The following WDR36 variants were observed in gnomAD, a reference collection of about 807,000 sequenced individuals.
The protein encoded by WDR36 is WD repeat-containing protein 36.
Under a neutral mutation model 112.7 loss-of-function variants are expected in WDR36, and 63 were observed. The ratio of observed to expected loss-of-function variants is 0.56; its 90% CI spans 0.46 to 0.69. The LOEUF is 0.69. WDR36 is among the 30% of genes least tolerant of loss of function. WDR36 has a pLI of 0.00. For missense variants in WDR36, 1,226 were observed against 1,070.3 expected, an observed-to-expected ratio of 1.15 and a Z score of -2.03; for synonymous variants, 410 against 362.2, an observed-to-expected ratio of 1.13 and a Z score of -1.50.
chr5:111,104,965 C>CCA, intron 9 of WDR36, 148 bp downstream of exon 9: 1 of 1,209,816 alleles, frequency 8.3e-7, no homozygotes. Flanking sequence ...TCCTTTTTGT[C>CCA]TACTTGAGAA....
intron 2 of WDR36, 170 bp downstream of exon 2, chr5:111,095,117 A>C (rs1752947912): frequency 7.9e-6 from 5 of 632,906 alleles, no homozygotes; most frequent in Middle Eastern, 3.0e-4. Flanking sequence ...TTTTGCTTTT[A>C]GTTGTTATGT....
intron 3 of WDR36, 47 bp downstream of exon 3, chr5:111,097,226 A>G (rs1296128560): frequency 1.4e-6 from 2 of 1,382,568 alleles, no homozygotes; most frequent in South Asian, 2.3e-5. Context: ...TTTGTTTGTC[A>G]TGATAGTGGA....
At chr5:111,097,889 A>T (rs1203434699) in intron 3 of WDR36, among the ~76,000 whole-genome samples, 1 of 152,216 alleles carries the variant, frequency 6.6e-6, no homozygotes, top group Admixed American at 6.5e-5. Context: ...AGAGGAAGGT[A>T]ACTTATCTGT....
intron 3 of WDR36, among the ~76,000 whole-genome samples, chr5:111,097,787 G>T (rs1753023540): frequency 6.6e-6 from 1 of 152,186 alleles, no homozygotes. Context: ...AGGAATGGGG[G>T]TACAAAGATA....
At chr5:111,123,001 C>G (rs577594610) in intron 19 of WDR36, among the ~76,000 whole-genome samples, 1 of 152,056 alleles carries the variant, frequency 6.6e-6, no homozygotes, top group East Asian at 1.9e-4. Context: ...CCCGGCTGCT[C>G]AGGAGGCTGA....
intron 6 of WDR36, 22 bp from the exon 7 acceptor site, chr5:111,103,764 G>A (rs752280341): frequency 6.2e-7 from 1 of 1,609,922 alleles, no homozygotes; most frequent in East Asian, 2.2e-5. Flanking sequence ...GAAAGTAAAA[G>A]TTTGAATAAT....
intron 12 of WDR36, among the ~76,000 whole-genome samples, chr5:111,109,620 T>G (rs921399090): frequency 2.7e-4 from 41 of 151,326 alleles, no homozygotes; most frequent in African/African-American, 9.7e-4. Flanking sequence ...ATAGAAAAAA[T>G]ATATTGACAT....
chr5:111,100,571 T>C lies in WDR36; in HGVS notation c.410-18T>C, dbSNP rs1232489312. 1.4e-6 allele frequency: 2 copies of C among 1,459,042 alleles called. No individual in the cohort carries two copies. The highest frequency in any genetic ancestry group is 2.8e-5 in the African/African-American group (2 of 70,336). 90.4% of individuals were successfully genotyped at this position (1,459,042 alleles called of 1,614,324 possible). ...TAAACTATTTTATAAAAAATATTTA[T>C]AACTTTCACTTTTGTAGAAGAATAC... On this transcript the variant is annotated intron_variant, in intron 4 of 22. Transcript: ENST00000513710.
At position 111,092,349 on chromosome 5, in the gene WDR36, T is replaced by A. The variant is rs766092867; in HGVS notation, c.-108T>A. The A allele has an allele frequency of 6.2e-7, 1 of 1,614,194 alleles. No individual in the cohort carries two copies. Among genetic ancestry groups the A allele is most frequent in the South Asian group, 1.1e-5 (1 of 91,088 alleles). On this transcript the variant is annotated 5_prime_UTR_variant, in exon 1 of 23. The change creates a new upstream start codon in the 5' untranslated region. Coordinates refer to ENST00000513710, the MANE Select transcript of WDR36 (RefSeq NM_139281.3). ...TTCGCAGCGGGCGCCGGAAGCGGTG[T>A]TGTGTCTGCAGCTCTGGCAGAGGAC...
chr5:111,126,898 C>G lies in WDR36; in HGVS notation c.*15C>G. 3 of 1,579,782 alleles carry G rather than the reference C, an allele frequency of 1.9e-6. No homozygotes were observed. The highest frequency in any genetic ancestry group is 2.6e-6 in the Non-Finnish European group (3 of 1,160,536). ...CTTTGTTGTAAAAATAAATTTGTGA[C>G]TAAACAAAGACTTTCATATTAAATG... On this transcript the variant is annotated 3_prime_UTR_variant, in exon 23 of 23. Transcript: ENST00000513710.
chr5:111,099,581 G>A (rs1276136507), intron 4 of WDR36, among the ~76,000 whole-genome samples: 2 of 150,930 alleles, frequency 1.3e-5, no homozygotes, highest in Non-Finnish European at 3.0e-5. Context: ...TCAAGTAGAG[G>A]GAGGGAACAG....
chr5:111,105,254 T>C (rs1001213352), intron 9 of WDR36, 41 bp from the exon 10 acceptor site: 1 of 1,581,752 alleles, frequency 6.3e-7, no homozygotes, highest in Non-Finnish European at 8.7e-7. Context: ...GTCCCTTGTT[T>C]TAATGAAGCT....
At chr5:111,097,014 A>G (rs1753005323) in intron 2 of WDR36, 65 bp from the exon 3 acceptor site, 2 of 1,102,200 alleles carry the variant, frequency 1.8e-6, no homozygotes, top group African/African-American at 1.5e-5. Context: ...TGTTATATGT[A>G]TACTTGAGGT....
intron 12 of WDR36, among the ~76,000 whole-genome samples, chr5:111,108,673 A>G (rs952322591): frequency 8.6e-5 from 13 of 151,354 alleles, no homozygotes; most frequent in African/African-American, 2.4e-4. Context: ...GGATTATTTC[A>G]TATTTTCCTT....
chr5:111,103,919 G>T lies in WDR36; in HGVS notation c.730+1G>T, dbSNP rs759953024. 1 of 1,610,628 alleles carries T rather than the reference G, an allele frequency of 6.2e-7. No homozygotes were observed. Among genetic ancestry groups the T allele is most frequent in the East Asian group, 2.2e-5 (1 of 44,760 alleles). ...ATTACTTCAATTTCATTTCGCACAG[G>T]TAACTTTTAACATACTTATTGATAG... is the stretch of plus-strand genomic sequence containing the variant. On this transcript the variant is annotated splice_donor_variant, in intron 7 of 22. Transcript: ENST00000513710. LOFTEE classifies it high-confidence loss of function.
At chr5:111,118,070 G>T (rs1753492499) in intron 16 of WDR36, among the ~76,000 whole-genome samples, 1 of 152,144 alleles carries the variant, frequency 6.6e-6, no homozygotes, top group African/African-American at 2.4e-5. Flanking sequence ...TGGAAGTGAA[G>T]ATTATGCCAC....
At chr5:111,098,563 T>C (rs7705304) in intron 3 of WDR36, among the ~76,000 whole-genome samples, 159 bp from the exon 4 acceptor site, 1 of 152,180 alleles carries the variant, frequency 6.6e-6, no homozygotes, top group Admixed American at 6.5e-5. Context: ...GCCTGGTCCC[T>C]TAATATTTAT....
intron 10 of WDR36, 32 bp downstream of exon 10, chr5:111,105,392 C>T: frequency 1.3e-6 from 2 of 1,580,472 alleles, no homozygotes; most frequent in Non-Finnish European, 1.7e-6. Context: ...ATAAGCTGGT[C>T]ACGAAAGAAA....
In WDR36 at chr5:111,127,918, GTT is replaced by G; in HGVS notation, c.*1038_*1039del. ...GCCAGGGTTTTTTTTATTTTGTTTT[GTT>G]TTGTTTTTTTTTTTTTTTTTTTGGC... On this transcript the variant is annotated 3_prime_UTR_variant, in exon 23 of 23. Transcript: ENST00000513710. 1 of 175,104 alleles carries G rather than the reference GTT, an allele frequency of 5.7e-6. No individual in the cohort carries two copies. Among genetic ancestry groups the G allele is most frequent in the South Asian group, 2.1e-4 (1 of 4,832 alleles). 10.8% of individuals were successfully genotyped at this position (175,104 alleles called of 1,614,324 possible). A position where few individuals can be genotyped will look rare whatever the true frequency, so the allele number is the denominator to read the frequency against.
Sources: allele counts gnomAD v4.1 joint callset (sites outside exome capture counted in the v4.1 genomes callset), GRCh38; gene constraint gnomAD v4.1.1; transcripts MANE v1.5; gene names NCBI Gene and HGNC (gene_info 2026-07-23, HGNC 2026-07-21).